NAV3: variants seen among roughly 807,000 people sequenced by gnomAD.
NAV3 encodes pore membrane and/or filament interacting like protein 1.
Under a neutral mutation model 244.7 loss-of-function variants are expected in NAV3, and 87 were observed. That is an observed-to-expected ratio of 0.36 (90% CI 0.30 to 0.42). The LOEUF (loss-of-function observed/expected upper bound fraction) is 0.42. NAV3 is among the 20% of genes least tolerant of loss of function. NAV3 has a pLI of 1.00. For synonymous variants in NAV3, 1,126 were observed against 1,042.2 expected (o/e 1.08, Z -1.55); for missense variants, 2,663 against 2,893.3 (o/e 0.92, Z 1.83).
intron 5 of NAV3, among the ~76,000 whole-genome samples, chr12:77,986,233 G>A (rs1242303077): frequency 2.0e-5 from 3 of 152,032 alleles, no homozygotes; most frequent in Non-Finnish European, 2.9e-5. Flanking sequence ...GTGGTGGCAC[G>A]CACCCGTAAT....
At chr12:77,968,969 T>A (rs559933783) in intron 5 of NAV3, among the ~76,000 whole-genome samples, 2 of 152,284 alleles carry the variant, frequency 1.3e-5, no homozygotes, top group Admixed American at 1.3e-4. Context: ...GTGTAAGTAA[T>A]GTGGCATGAC....
intron 39 of NAV3, 135 bp downstream of exon 39, chr12:78,205,273 C>T (rs1960174241): frequency 3.3e-6 from 3 of 918,462 alleles, no homozygotes; most frequent in Non-Finnish European, 4.7e-6. Context: ...TTATCTTTGG[C>T]CTGCTTTCCA....
rs35795300 is a variant in NAV3, at chr12:77,831,027, G to GAA, written c.-427_-426dup. 1.5e-4 allele frequency: 22 copies of GAA among 151,224 alleles called. No homozygotes were observed. The highest frequency in any genetic ancestry group is 6.6e-4 in the Admixed American group (10 of 15,150). 9.4% of individuals were successfully genotyped at this position (151,224 alleles called of 1,614,324 possible). A position where few individuals can be genotyped will look rare whatever the true frequency, so the allele number is the denominator to read the frequency against. On this transcript the variant is annotated 5_prime_UTR_variant, in exon 1 of 40. Transcript: ENST00000397909. ...GTTCAGACTCAGACTGCTTTAGTGA[G>GAA]AAAAAAAAATAAGCAAAACTAAGAG...
chr12:77,762,540 T>G (rs961231727), intron 2 of NAV3, among the ~76,000 whole-genome samples: 2 of 151,622 alleles, frequency 1.3e-5, no homozygotes, highest in African/African-American at 4.9e-5. Context: ...GAGGCGGAGG[T>G]TGTAGTGAGC....
intron 9 of NAV3, chr12:78,036,636 T>C (rs999032475): frequency 1.2e-5 from 5 of 421,700 alleles, no homozygotes; most frequent in African/African-American, 5.9e-5. Flanking sequence ...GCTTCAGATA[T>C]ATTCGAGCAA....
intron 1 of NAV3, among the ~76,000 whole-genome samples, chr12:77,854,748 A>G (rs542233218): frequency 1.3e-5 from 2 of 152,316 alleles, no homozygotes; most frequent in South Asian, 2.1e-4. Context: ...TCTTTCTACT[A>G]TCTTTTCTAA....
At chr12:77,979,885 C>T (rs58236831) in intron 5 of NAV3, among the ~76,000 whole-genome samples, 28 of 151,984 alleles carry the variant, frequency 1.8e-4, no homozygotes, top group South Asian at 6.2e-4. Flanking sequence ...ACTGAGAGAA[C>T]GAGTATTGCC....
At chr12:77,820,428 C>T (rs1872690697) in intron 2 of NAV3, among the ~76,000 whole-genome samples, 1 of 152,086 alleles carries the variant, frequency 6.6e-6, no homozygotes, top group Non-Finnish European at 1.5e-5. Context: ...GAGGGGCGAC[C>T]TCCCTCCATC....
At chr12:77,874,187 A>G (rs571651809) in intron 1 of NAV3, among the ~76,000 whole-genome samples, 1 of 152,018 alleles carries the variant, frequency 6.6e-6, no homozygotes, top group Non-Finnish European at 1.5e-5. Context: ...GACCTAGCCA[A>G]CACTAGGTGT....
intron 2 of NAV3, among the ~76,000 whole-genome samples, chr12:77,614,681 G>A (rs1242390506): frequency 1.3e-5 from 2 of 152,144 alleles, no homozygotes; most frequent in African/African-American, 2.4e-5. Context: ...TTCTGGCTGT[G>A]TGACCTTCCA....
At chr12:77,786,991 A>G (rs1443414980) in intron 2 of NAV3, among the ~76,000 whole-genome samples, 1 of 152,052 alleles carries the variant, frequency 6.6e-6, no homozygotes, top group African/African-American at 2.4e-5. Context: ...AATTACTATA[A>G]GTTCGTTGAA....
At chr12:78,138,401 T>G (rs992805268) in intron 19 of NAV3, among the ~76,000 whole-genome samples, 3 of 134,568 alleles carry the variant, frequency 2.2e-5, no homozygotes, top group Non-Finnish European at 4.9e-5. Context: ...TAAAGTATCT[T>G]CTGACTGAGG....
chr12:77,643,413 T>G (rs1328518146), intron 2 of NAV3, among the ~76,000 whole-genome samples: 1 of 151,774 alleles, frequency 6.6e-6, no homozygotes, highest in Non-Finnish European at 1.5e-5. Flanking sequence ...AAATATCTTT[T>G]GTTTCTCTGA....
intron 22 of NAV3, among the ~76,000 whole-genome samples, chr12:78,156,588 T>G (rs569429908): frequency 2.2e-4 from 33 of 152,252 alleles, no homozygotes; most frequent in African/African-American, 7.7e-4. Context: ...GTTTCACATT[T>G]AAGGATTCAT....
At chr12:78,067,965 A>T (rs188623655) in intron 12 of NAV3, among the ~76,000 whole-genome samples, 136 of 152,110 alleles carry the variant, frequency 8.9e-4, no homozygotes, top group Non-Finnish European at 1.3e-3. Context: ...GAGGAAGAAG[A>T]AAAGGAGGAA....
intron 2 of NAV3, among the ~76,000 whole-genome samples, chr12:77,712,057 A>C (rs1039789516): frequency 9.9e-5 from 15 of 152,102 alleles, no homozygotes; most frequent in Admixed American, 2.0e-4. Flanking sequence ...GGTCATTTAA[A>C]CCACCTGCAA....
intron 2 of NAV3, among the ~76,000 whole-genome samples, chr12:77,627,402 T>G (rs1871683276): frequency 6.6e-6 from 1 of 151,852 alleles, no homozygotes; most frequent in Non-Finnish European, 1.5e-5. Flanking sequence ...CAAAGAAGAC[T>G]CAAAGTAGAA....
chr12:78,143,475 A>G (rs1239698012), intron 20 of NAV3: 1 of 369,272 alleles, frequency 2.7e-6, no homozygotes, highest in African/African-American at 2.2e-5. Flanking sequence ...TACTAAAAAT[A>G]CAGAAATTAG....
chr12:78,061,842 C>A (rs1884373959), intron 12 of NAV3, among the ~76,000 whole-genome samples: 1 of 151,916 alleles, frequency 6.6e-6, no homozygotes, highest in Admixed American at 6.6e-5. Flanking sequence ...TAATTGAGAT[C>A]ATGTAAAAAC....
Sources: gnomAD v4.1 joint callset for allele counts (sites outside exome capture counted in the v4.1 genomes callset) on GRCh38, gnomAD v4.1.1 for gene constraint, MANE v1.5 for transcripts, NCBI Gene and HGNC (gene_info 2026-07-23, HGNC 2026-07-21) for gene names.